The following COL24A1 variants were observed in gnomAD, a reference collection of about 807,000 sequenced individuals.
The protein encoded by COL24A1 is collagen alpha-1(XXIV) chain.
A neutral mutation model predicts 253.9 loss-of-function variants in COL24A1; 224 were observed. That is an observed-to-expected ratio of 0.88 (90% confidence interval 0.79 to 0.99). COL24A1 has a LOEUF of 0.99. Among genes scored for constraint, COL24A1 ranks in the 50% least tolerant of loss-of-function variants. COL24A1 has a pLI of 0.00. For synonymous variants in COL24A1, 685 were observed against 673.7 expected (o/e 1.02, Z -0.26); for missense variants, 2,131 against 2,068.5 (o/e 1.03, Z -0.59).
chr1:85,925,178 C>A (rs1287395906), intron 24 of COL24A1, among the ~76,000 whole-genome samples: 3 of 152,096 alleles, frequency 2.0e-5, no homozygotes, highest in Non-Finnish European at 2.9e-5. Context: ...AAAGAGGACA[C>A]AAACAAATGG....
At chr1:85,735,157 A>G (rs1388442213) in intron 58 of COL24A1, among the ~76,000 whole-genome samples, 193 bp from the exon 59 acceptor site, 2 of 152,088 alleles carry the variant, frequency 1.3e-5, no homozygotes, top group African/African-American at 2.4e-5. Flanking sequence ...GATTTATAGT[A>G]TTTCCTGACT....
chr1:85,900,475 C>T (rs1258846942), intron 28 of COL24A1, among the ~76,000 whole-genome samples: 1 of 151,760 alleles, frequency 6.6e-6, no homozygotes, highest in Non-Finnish European at 1.5e-5. Context: ...CCTGTCTCTA[C>T]AAAAAATTTA....
At position 86,156,473 on chromosome 1, in the gene COL24A1, T is replaced by C; in HGVS notation, c.-77A>G. On this transcript the variant is annotated 5_prime_UTR_variant, in exon 1 of 60. Transcript: ENST00000370571. ...TCTGAACTGCTTAGGGTGCAGGTAC[T>C]GTCCATGAAAAAGGGAAAAAACAAT... 1 of 1,318,384 alleles carries C rather than the reference T, an allele frequency of 7.6e-7. No homozygotes were observed. The highest frequency in any genetic ancestry group is 1.0e-6 in the Non-Finnish European group (1 of 973,472). 81.7% of individuals were successfully genotyped at this position (1,318,384 alleles called of 1,614,324 possible). A position where few individuals can be genotyped will look rare whatever the true frequency, so the allele number is the denominator to read the frequency against.
intron 33 of COL24A1, 54 bp downstream of exon 33, chr1:85,877,068 A>G: frequency 8.1e-7 from 1 of 1,229,228 alleles, no homozygotes; most frequent in Non-Finnish European, 1.2e-6. Flanking sequence ...TTTACCTTAG[A>G]GTCTTACAAA....
chr1:85,870,290 A>G (rs992843765), intron 35 of COL24A1, among the ~76,000 whole-genome samples: 1 of 152,208 alleles, frequency 6.6e-6, no homozygotes, highest in Non-Finnish European at 1.5e-5. Context: ...CAGATCAATG[A>G]GACAGAAAGT....
intron 19 of COL24A1, among the ~76,000 whole-genome samples, chr1:86,002,698 T>C (rs1462257895): frequency 2.6e-5 from 4 of 152,110 alleles, no homozygotes; most frequent in Non-Finnish European, 5.9e-5. Flanking sequence ...GCAAGACACA[T>C]GCACTCAAGA....
At chr1:85,740,747 C>T (rs1490590732) in intron 57 of COL24A1, among the ~76,000 whole-genome samples, 1 of 149,704 alleles carries the variant, frequency 6.7e-6, no homozygotes. Flanking sequence ...GCTGGGATTA[C>T]AGGCATGAGC....
At chr1:86,020,065 T>TC (rs1187974102) in intron 18 of COL24A1, among the ~76,000 whole-genome samples, 6 of 80,218 alleles carry the variant, frequency 7.5e-5, no homozygotes, top group Admixed American at 6.9e-4. Context: ...TTCTTTCTTT[T>TC]TTTTTTTTTT....
intron 47 of COL24A1, among the ~76,000 whole-genome samples, chr1:85,811,648 A>G (rs1182695032): frequency 6.6e-6 from 1 of 152,144 alleles, no homozygotes; most frequent in African/African-American, 2.4e-5. Flanking sequence ...TTATAATAGC[A>G]TCCTAACATG....
chr1:85,900,830 T>C (rs1684212061), intron 28 of COL24A1, among the ~76,000 whole-genome samples: 2 of 152,148 alleles, frequency 1.3e-5, no homozygotes, highest in Admixed American at 1.3e-4. Context: ...GCCTCTTCAA[T>C]AAATGATGTT....
At chr1:86,143,608 C>G (rs1651462703) in intron 2 of COL24A1, among the ~76,000 whole-genome samples, 1 of 151,836 alleles carries the variant, frequency 6.6e-6, no homozygotes, top group South Asian at 2.1e-4. Context: ...AAGTCCTCAT[C>G]ATTAATAATA....
At chr1:86,062,566 G>A (rs1266480170) in intron 8 of COL24A1, among the ~76,000 whole-genome samples, 1 of 152,074 alleles carries the variant, frequency 6.6e-6, no homozygotes, top group Non-Finnish European at 1.5e-5. Flanking sequence ...GAACTCGTCA[G>A]TAATGACACA....
intron 7 of COL24A1, among the ~76,000 whole-genome samples, chr1:86,080,137 T>C (rs753587327): frequency 6.6e-6 from 1 of 152,162 alleles, no homozygotes; most frequent in Middle Eastern, 3.2e-3. Flanking sequence ...TGGATGGAAC[T>C]GGAGGCCATT....
rs1703304812 is a variant in COL24A1, at chr1:86,089,201, C to A, written c.1680G>T (p.Met560Ile). The A allele has an allele frequency of 6.3e-7, 1 of 1,586,234 alleles. No individual in the cohort carries two copies. The highest frequency in any genetic ancestry group is 8.5e-7 in the Non-Finnish European group (1 of 1,172,756). The change falls in exon 7 of 60, where the codon ATG (methionine) becomes ATT (isoleucine). Residue 560 changes from methionine to isoleucine, a missense_variant. By Grantham distance (10) the Met-to-Ile change is conservative. Coordinates refer to ENST00000370571, the MANE Select transcript of COL24A1 (RefSeq NM_152890.7). ...EKGDQGLSGL[M>I]GPPGMQGDKG... ...TATCACCTTGCATACCAGGGGGGCC[C>A]ATTAATCCAGAAAGGCCTTGATCAC...
At chr1:85,958,996 C>T (rs2100654076) in intron 24 of COL24A1, among the ~76,000 whole-genome samples, 1 of 152,160 alleles carries the variant, frequency 6.6e-6, no homozygotes, top group African/African-American at 2.4e-5. Flanking sequence ...AATCTAGAAA[C>T]AAACAAACCT....
In COL24A1 at chr1:85,968,721, TA is replaced by T. The variant is rs563943006; in HGVS notation, c.2463+1505del. Among the ~76,000 whole-genome samples, 37 of 152,230 alleles carry T rather than the reference TA, an allele frequency of 2.4e-4. 1 individual carries two copies. In the East Asian group the frequency reaches 6.4e-3, roughly 26 times the overall value. ...AATGAGTCATTCCTTTCATCTTTAA[TA>T]ATACTCTTTCAAGCACTGTGTAGTA... On this transcript the variant is annotated intron_variant, in intron 22 of 59. Transcript: ENST00000370571.
chr1:85,797,249 T>C (rs1670929715), intron 47 of COL24A1, among the ~76,000 whole-genome samples: 1 of 142,276 alleles, frequency 7.0e-6, no homozygotes, highest in African/African-American at 2.6e-5. Flanking sequence ...AATTCCCAAA[T>C]GTTTATTGAT....
intron 47 of COL24A1, among the ~76,000 whole-genome samples, chr1:85,797,658 G>A (rs923459271): frequency 2.6e-5 from 4 of 152,076 alleles, no homozygotes; most frequent in Admixed American, 6.5e-5. Context: ...AGTCTCTCTC[G>A]GTCTCAGCTT....
intron 4 of COL24A1, among the ~76,000 whole-genome samples, chr1:86,112,939 A>C (rs1705753153): frequency 6.6e-6 from 1 of 152,240 alleles, no homozygotes; most frequent in Non-Finnish European, 1.5e-5. Context: ...CATTTCTTAT[A>C]CTGTTCTAAT....
Sources: allele counts gnomAD v4.1 joint callset (sites outside exome capture counted in the v4.1 genomes callset), GRCh38; gene constraint gnomAD v4.1.1; transcripts MANE v1.5; gene names NCBI Gene and HGNC (gene_info 2026-07-23, HGNC 2026-07-21).